Variants in VEPH1 observed in about 807,000 individuals in gnomAD.
The protein encoded by VEPH1 is ventricular zone expressed PH domain containing 1, also known as ventricular zone-expressed PH domain-containing protein homolog 1.
VEPH1 carries 80 observed loss-of-function variants against 85.2 expected under a neutral mutation model. That is an observed-to-expected ratio of 0.94 (90% CI 0.78 to 1.13). The LOEUF is 1.13. Among genes scored for constraint, VEPH1 ranks in the 50% most tolerant of loss-of-function variants. VEPH1 has a pLI of 0.00. For missense variants in VEPH1, 955 were observed against 980.5 expected (o/e 0.97, Z 0.35); for synonymous variants, 297 against 348.0 (o/e 0.85, Z 1.63).
chr3:157,447,594 CTTTT>C (rs10719525), intron 4 of VEPH1, among the ~76,000 whole-genome samples: 1 of 133,104 alleles, frequency 7.5e-6, no homozygotes, highest in Non-Finnish European at 1.6e-5. Flanking sequence ...TGCTTCCAAT[CTTTT>C]TTTTTTTTTT....
intron 7 of VEPH1, among the ~76,000 whole-genome samples, chr3:157,379,544 T>C (rs1328861454): frequency 6.6e-6 from 1 of 152,206 alleles, no homozygotes; most frequent in Non-Finnish European, 1.5e-5. Flanking sequence ...CTGTGACTCT[T>C]GATGGTAAGG....
At position 157,270,650 on chromosome 3, in the gene VEPH1, T is replaced by C. The variant is rs1445845916; in HGVS notation, c.2129-4988A>G. Reference sequence around the variant, plus strand: ...CTGAGAAGACCCACAGCAGGAAGAATAAAAAATAAAGAATATTCATCTGCT... The same window carrying C: ...CTGAGAAGACCCACAGCAGGAAGAACAAAAAATAAAGAATATTCATCTGCT... On this transcript the variant is annotated intron_variant, in intron 12 of 13. Coordinates refer to ENST00000362010, the MANE Select transcript of VEPH1 (RefSeq NM_001167912.2). Among the ~76,000 whole-genome samples the C allele has an allele frequency of 2.6e-5, 4 of 152,030 alleles. No individual in the cohort carries two copies. In the South Asian group the frequency reaches 8.3e-4, roughly 32 times the overall value.
chr3:157,406,057 T>A (rs2108998664), intron 6 of VEPH1, among the ~76,000 whole-genome samples: 1 of 152,326 alleles, frequency 6.6e-6, no homozygotes, highest in Admixed American at 6.5e-5. Context: ...ATTACTAATA[T>A]TATTTACAGT....
intron 4 of VEPH1, among the ~76,000 whole-genome samples, chr3:157,458,027 T>C (rs1290491436): frequency 1.3e-5 from 2 of 152,216 alleles, no homozygotes; most frequent in African/African-American, 2.4e-5. Context: ...TATTTATTAC[T>C]GATTCAATTT....
intron 2 of VEPH1, among the ~76,000 whole-genome samples, chr3:157,474,598 C>G (rs1019694433): frequency 6.6e-6 from 1 of 152,116 alleles, no homozygotes; most frequent in Non-Finnish European, 1.5e-5. Flanking sequence ...AGTCCTTGAT[C>G]ATCGTCTGGG....
chr3:157,474,993 G>GT (rs537394952), intron 2 of VEPH1, among the ~76,000 whole-genome samples: 123 of 147,996 alleles, frequency 8.3e-4, no homozygotes, highest in African/African-American at 2.0e-3. Context: ...TTTAATTTTT[G>GT]TTTTTTTTTC....
chr3:157,364,617 T>C (rs2108777988), intron 7 of VEPH1, 105 bp from the exon 8 acceptor site: 1 of 1,111,758 alleles, frequency 9.0e-7, no homozygotes, highest in Middle Eastern at 3.0e-4. Context: ...AAGCTTTGCC[T>C]GATAATTTTT....
intron 7 of VEPH1, among the ~76,000 whole-genome samples, chr3:157,374,901 G>A (rs1727918371): frequency 6.6e-6 from 1 of 152,166 alleles, no homozygotes; most frequent in African/African-American, 2.4e-5. Flanking sequence ...ATGAAATACT[G>A]TGAAAACTGT....
chr3:157,445,606 T>C (rs55882640), intron 4 of VEPH1, among the ~76,000 whole-genome samples: 26,628 of 149,330 alleles, frequency 0.18, 4,798 homozygotes, highest in African/African-American at 0.46. Flanking sequence ...GGCAACAGAG[T>C]GAGACTCTGT....
At chr3:157,304,511 T>C (rs1719247712) in intron 11 of VEPH1, among the ~76,000 whole-genome samples, 1 of 152,184 alleles carries the variant, frequency 6.6e-6, no homozygotes, top group Non-Finnish European at 1.5e-5. Flanking sequence ...GGTCCTCTGA[T>C]AATCAGAGTG....
At chr3:157,435,099 T>A (rs1386624917) in intron 4 of VEPH1, among the ~76,000 whole-genome samples, 1 of 152,162 alleles carries the variant, frequency 6.6e-6, no homozygotes, top group Non-Finnish European at 1.5e-5. Context: ...AAGTTTTATT[T>A]GGTTCTTTAA....
intron 9 of VEPH1, among the ~76,000 whole-genome samples, chr3:157,347,946 GAGACC>G (rs1471027965): frequency 6.6e-6 from 1 of 152,214 alleles, no homozygotes; most frequent in East Asian, 1.9e-4. Flanking sequence ...GCGCCACGTT[GAGACC>G]AGACATCTCT....
intron 12 of VEPH1, among the ~76,000 whole-genome samples, chr3:157,279,532 G>A (rs1404767475): frequency 6.6e-6 from 1 of 152,148 alleles, no homozygotes; most frequent in East Asian, 1.9e-4. Context: ...TGGAGGGAAA[G>A]GGGAGGATAA....
intron 1 of VEPH1, chr3:157,499,493 A>C (rs1326371089): frequency 6.6e-6 from 1 of 152,146 alleles, no homozygotes; most frequent in South Asian, 2.1e-4. Flanking sequence ...CAGCGAGTGG[A>C]ATCCGCTCAG....
rs78967879 is a variant in VEPH1 at position 157,349,831 on chromosome 3, T to C, written c.1735+13533A>G. On this transcript the variant is annotated intron_variant, in intron 9 of 13. Transcript: ENST00000362010. ...CAATTTAACCAAAGAGGTGGAAGACTTCTACAAGGAAAACTACAAAACACT... is the reference window on the plus strand; with the variant it reads ...CAATTTAACCAAAGAGGTGGAAGACCTCTACAAGGAAAACTACAAAACACT... Among the ~76,000 whole-genome samples the C allele has an allele frequency of 6.3e-4, 96 of 152,180 alleles. No individual in the cohort carries two copies. In the East Asian group the frequency reaches 0.018, roughly 28 times the overall value.
intron 2 of VEPH1, among the ~76,000 whole-genome samples, chr3:157,487,466 A>G (rs1288671720): frequency 6.6e-6 from 1 of 152,172 alleles, no homozygotes; most frequent in African/African-American, 2.4e-5. Context: ...TTATAGTGCC[A>G]GAGAGTTTTA....
At chr3:157,467,110 A>AGTGTGTGT (rs1356618639) in intron 3 of VEPH1, among the ~76,000 whole-genome samples, 12 of 114,024 alleles carry the variant, frequency 1.1e-4, no homozygotes, top group African/African-American at 1.9e-4. Flanking sequence ...CAAAAAGAAA[A>AGTGTGTGT]GTGTGTGTGT....
At chr3:157,343,899 G>A (rs1723894285) in intron 9 of VEPH1, among the ~76,000 whole-genome samples, 1 of 152,036 alleles carries the variant, frequency 6.6e-6, no homozygotes, top group African/African-American at 2.4e-5. Context: ...ATGTAATCCA[G>A]AATATAAACA....
chr3:157,387,386 C>A (rs1213612196), intron 6 of VEPH1, among the ~76,000 whole-genome samples: 2 of 152,144 alleles, frequency 1.3e-5, no homozygotes, highest in South Asian at 4.1e-4. Context: ...ACTTAATCTT[C>A]ACAATGACCT....
Sources: gnomAD v4.1 joint callset for allele counts (sites outside exome capture counted in the v4.1 genomes callset) on GRCh38, gnomAD v4.1.1 for gene constraint, MANE v1.5 for transcripts, NCBI Gene and HGNC (gene_info 2026-07-23, HGNC 2026-07-21) for gene names.